DNAI1: variants seen among roughly 807,000 people sequenced by gnomAD.
DNAI1 encodes dynein, axonemal, intermediate polypeptide 1.
Under a neutral mutation model 92.0 loss-of-function variants are expected in DNAI1, and 67 were observed. That is an observed-to-expected ratio of 0.73 (90% CI 0.60 to 0.89). The LOEUF is 0.89. Ranked by LOEUF, DNAI1 falls within the 40% of genes least tolerant of loss-of-function variation. The pLI is 0.00. For synonymous variants in DNAI1, 323 were observed against 319.6 expected, an observed-to-expected ratio of 1.01 and a Z score of -0.11; for missense variants, 839 against 866.6, an observed-to-expected ratio of 0.97 and a Z score of 0.40.
chr9:34,480,272 C>CTTTTTTT (rs202115133), intron 1 of DNAI1, among the ~76,000 whole-genome samples: 10 of 99,432 alleles, frequency 1.0e-4, no homozygotes, highest in Non-Finnish European at 1.4e-4. Context: ...TTTGGTGGAA[C>CTTTTTTT]TTTTTTTTTT....
intron 18 of DNAI1, 90 bp downstream of exon 18, chr9:34,514,829 C>A (rs1004946132): frequency 3.3e-5 from 46 of 1,394,412 alleles, no homozygotes; most frequent in Non-Finnish European, 4.5e-5. Context: ...CCATCCCATG[C>A]CTAGGTCAGG....
intron 1 of DNAI1, among the ~76,000 whole-genome samples, chr9:34,463,400 G>A (rs1215530312): frequency 6.6e-6 from 1 of 152,214 alleles, no homozygotes; most frequent in East Asian, 1.9e-4. Context: ...TAATTAAAAT[G>A]CTTGAATGTC....
intron 1 of DNAI1, among the ~76,000 whole-genome samples, chr9:34,462,786 T>C (rs1387467333): frequency 1.3e-5 from 2 of 152,094 alleles, no homozygotes; most frequent in African/African-American, 4.8e-5. Context: ...AAGAAATGGG[T>C]TTTGGAGACT....
chr9:34,492,493 G>GAGATATATATATATATATATATAT lies in DNAI1; in HGVS notation c.682-700_682-699insGATATATATATATATATATATATA, dbSNP rs1271867592. 1.9e-4 allele frequency among the ~76,000 whole-genome samples: 13 copies of GAGATATATATATATATATATATAT among 68,268 alleles called. 1 individual carries two copies. Among genetic ancestry groups the GAGATATATATATATATATATATAT allele is most frequent in the East Asian group, 4.3e-4 (1 of 2,352 alleles). 44.8% of individuals were successfully genotyped at this position (68,268 alleles called of 152,430 possible). Reference sequence around the variant, plus strand: ...TCCGGGGTGGGGGTGGGGATATGAAGATATATATATATATATATATATATA... The same window carrying GAGATATATATATATATATATATAT: ...TCCGGGGTGGGGGTGGGGATATGAAGAGATATATATATATATATATATATATATATATATATATATATATATATA... On this transcript the variant is annotated intron_variant, in intron 8 of 19. Transcript: ENST00000242317.
At chr9:34,515,208 G>C (rs11999046) in intron 18 of DNAI1, among the ~76,000 whole-genome samples, 37,652 of 152,162 alleles carry the variant, frequency 0.25, 4,824 homozygotes, top group Middle Eastern at 0.28. Flanking sequence ...ATTGGTGAGA[G>C]CTCAGAAACA....
intron 1 of DNAI1, among the ~76,000 whole-genome samples, chr9:34,463,153 G>A (rs1304059615): frequency 6.6e-6 from 1 of 152,028 alleles, no homozygotes; most frequent in African/African-American, 2.4e-5. Flanking sequence ...AATACCCGGG[G>A]GTAGGGTGTG....
chr9:34,520,805 G>A lies in DNAI1; in HGVS notation c.*49G>A, dbSNP rs1214623614. On this transcript the variant is annotated 3_prime_UTR_variant, in exon 20 of 20. Coordinates refer to ENST00000242317, the MANE Select transcript of DNAI1 (RefSeq NM_012144.4). ...CATCGCTTGAATACAGTACTCCTAG[G>A]GCTTGACCCTGGTACCCAGCCCAGC... 3 of 1,536,012 alleles carry A rather than the reference G, an allele frequency of 2.0e-6. No individual in the cohort carries two copies. In the Admixed American group the frequency reaches 5.9e-5, roughly 30 times the overall value.
At chr9:34,492,493 G>GATATAGATATATAT (rs1824623541) in intron 8 of DNAI1, among the ~76,000 whole-genome samples, 1 of 68,268 alleles carries the variant, frequency 1.5e-5, no homozygotes, top group African/African-American at 5.1e-5. Context: ...GGGATATGAA[G>GATATAGATATATAT]ATATATATAT....
intron 15 of DNAI1, among the ~76,000 whole-genome samples, chr9:34,512,708 C>G (rs1052396315): frequency 2.6e-5 from 4 of 152,076 alleles, no homozygotes; most frequent in Non-Finnish European, 5.9e-5. Flanking sequence ...GATCAGGCCC[C>G]TGTTTACCCA....
At chr9:34,483,994 T>TC (rs1208307761) in intron 2 of DNAI1, among the ~76,000 whole-genome samples, 2 of 152,166 alleles carry the variant, frequency 1.3e-5, no homozygotes, top group Non-Finnish European at 2.9e-5. Flanking sequence ...GGCAGGTGGA[T>TC]CACTTGAGGT....
At chr9:34,503,217 T>G (rs770367830) in intron 12 of DNAI1, among the ~76,000 whole-genome samples, 16 of 152,132 alleles carry the variant, frequency 1.1e-4, no homozygotes, top group Non-Finnish European at 1.9e-4. Flanking sequence ...GAGGCCTGAA[T>G]AGAACCAGGC....
chr9:34,519,339 G>T (rs983911791), intron 19 of DNAI1, among the ~76,000 whole-genome samples: 3 of 152,092 alleles, frequency 2.0e-5, no homozygotes, highest in Non-Finnish European at 4.4e-5. Flanking sequence ...CTAACTACAG[G>T]ATAGATGGGA....
rs202213517 is a variant in DNAI1 at position 34,497,160 on chromosome 9, C to A, written c.862C>A (p.Arg288=). 1.2e-6 allele frequency: 2 copies of A among 1,614,024 alleles called. No homozygotes were observed. Among genetic ancestry groups the A allele is most frequent in the South Asian group, 1.1e-5 (1 of 91,076 alleles). ...GTCCCAAGCTGCTAAGATCATGGAG[C>A]GGATGGTCAACCAGAATACATATGA... ...KLSQAAKIME[R]MVNQNTYDDI... Residue 288 remains arginine, a synonymous_variant, in exon 10 of 20, where the codon CGG becomes AGG. Transcript: ENST00000242317.
At chr9:34,499,219 C>T (rs943398816) in intron 10 of DNAI1, among the ~76,000 whole-genome samples, 6 of 152,236 alleles carry the variant, frequency 3.9e-5, no homozygotes, top group South Asian at 2.1e-4. Context: ...TCAAGGCTCA[C>T]GCCTCTCTGA....
chr9:34,509,391 G>A (rs145001287), intron 13 of DNAI1, among the ~76,000 whole-genome samples: 28 of 152,276 alleles, frequency 1.8e-4, no homozygotes, highest in Middle Eastern at 3.4e-3. Context: ...TTGTACGTCC[G>A]TGGTTTCAAG....
At chr9:34,460,047 G>A (rs1424538408) in intron 1 of DNAI1, among the ~76,000 whole-genome samples, 2 of 152,032 alleles carry the variant, frequency 1.3e-5, no homozygotes, top group Admixed American at 6.6e-5. Context: ...TCTTCCCTGC[G>A]AGCCCCTGGT....
In DNAI1 at chr9:34,514,641, ACCC is replaced by A; in HGVS notation, c.1722_1724del (p.Pro575del). The A allele has an allele frequency of 1.2e-6, 2 of 1,613,990 alleles. No individual in the cohort carries two copies. Among genetic ancestry groups the A allele is most frequent in the Non-Finnish European group, 1.7e-6 (2 of 1,180,004 alleles). On this transcript the variant is annotated inframe_deletion and splice_region_variant, in exon 18 of 20. Transcript: ENST00000242317. ...GCTTTCCACCCTCCACCTCTGCAGG[ACCC>A]CGATGTTCATCTATGACCTGAACTC...
At chr9:34,490,821 G>T (rs1482653303) in intron 7 of DNAI1, among the ~76,000 whole-genome samples, 1 of 152,228 alleles carries the variant, frequency 6.6e-6, no homozygotes, top group Non-Finnish European at 1.5e-5. Context: ...AGGCCTAGGA[G>T]CCAGTTCAAC....
chr9:34,493,426 A>G, intron 9 of DNAI1, 98 bp downstream of exon 9: 1 of 1,524,020 alleles, frequency 6.6e-7, no homozygotes. Context: ...GGGTTCACAG[A>G]TACTTAAATC....
Sources: allele counts gnomAD v4.1 joint callset (sites outside exome capture counted in the v4.1 genomes callset), GRCh38; gene constraint gnomAD v4.1.1; transcripts MANE v1.5; gene names NCBI Gene and HGNC (gene_info 2026-07-23, HGNC 2026-07-21).